POU6F1: variants seen among roughly 807,000 people sequenced by gnomAD.
POU6F1 encodes the protein POU domain, class 6, transcription factor 1.
In POU6F1, 9 loss-of-function variants were observed where a neutral mutation model predicts 28.9. The observed-to-expected ratio is 0.31, with a 90% confidence interval of 0.19 to 0.54. The LOEUF (loss-of-function observed/expected upper bound fraction) is 0.54. Among genes scored for constraint, POU6F1 ranks in the 20% least tolerant of loss-of-function variants. The pLI is 0.94. For synonymous variants in POU6F1, 173 were observed against 171.1 expected (o/e 1.01, Z -0.09); for missense variants, 338 against 426.1 (o/e 0.79, Z 1.82).
At chr12:51,212,062 G>A (rs561425469) in intron 1 of POU6F1, among the ~76,000 whole-genome samples, 11 of 138,642 alleles carry the variant, frequency 7.9e-5, no homozygotes, top group African/African-American at 2.5e-4. Flanking sequence ...CTTGCCTTTC[G>A]TTTTTTTTTT....
In POU6F1 at chr12:51,192,774, G is replaced by A. The variant is rs148669155; in HGVS notation, c.1180-303C>T. Among the ~76,000 whole-genome samples, 273 of 152,192 alleles carry A rather than the reference G, an allele frequency of 1.8e-3. 5 individuals are homozygous for A. The East Asian group carries it at 0.043, about 24-fold the overall frequency. On this transcript the variant is annotated intron_variant, in intron 8 of 10. Transcript: ENST00000333640. ...ACAAAAATTAGCTGGGCATGGTGGT[G>A]GGTGCCTATAATTCCAGCTACTCAG...
In POU6F1 at chr12:51,197,950, G is replaced by A; in HGVS notation, c.666C>T (p.Ala222=). 2.5e-6 allele frequency: 1 copy of A among 402,750 alleles called. No homozygotes were observed. Among genetic ancestry groups the A allele is most frequent in the Non-Finnish European group, 4.4e-6 (1 of 228,654 alleles). The allele number at this position is 402,750 out of a possible 1,614,324, so 24.9% of individuals were successfully genotyped here. ...GGGGCTGGGCTGGTGGCCGGGGTTGGGCCGTCGAGGAGGCCTGTACTGGTG... is the reference window on the plus strand; with the variant it reads ...GGGGCTGGGCTGGTGGCCGGGGTTGAGCCGTCGAGGAGGCCTGTACTGGTG... The part of the protein sequence containing the change: ...AAAPVQASST[A]QPRPPAQPQT... The change falls in exon 6 of 11, where the codon GCC becomes GCT. Residue 222 remains alanine, a synonymous_variant. Coordinates refer to ENST00000333640, the MANE Select transcript of POU6F1 (RefSeq NM_001330422.2).
rs1943042202 is a variant in POU6F1 at position 51,199,170 on chromosome 12, GC to G, written c.367-396del. On this transcript the variant is annotated intron_variant, in intron 4 of 10. Transcript: ENST00000333640. This position sits in a 1 kb window ranked among gnomAD's most constrained non-coding sequence, Gnocchi z 4.1. ...ACCAAGTGGTCAAGGCCCCGCAGAG[GC>G]TAATGGAACCAAGTGGTCAAGGCCC... Among the ~76,000 whole-genome samples the G allele has an allele frequency of 1.6e-3, 1 of 608 alleles. No individual in the cohort carries two copies. The highest frequency in any genetic ancestry group is 3.6e-3 in the Non-Finnish European group (1 of 274). 0.4% of individuals were successfully genotyped at this position (608 alleles called of 152,430 possible).
rs900689501 is a variant in POU6F1 at position 51,218,000 on chromosome 12, CT to C, written c.-407del. 1.3e-5 allele frequency among the ~76,000 whole-genome samples: 2 copies of C among 151,824 alleles called. No homozygotes were observed. Among genetic ancestry groups the C allele is most frequent in the African/African-American group, 4.8e-5 (2 of 41,378 alleles). On this transcript the variant is annotated 5_prime_UTR_variant, in exon 1 of 11. Coordinates refer to ENST00000333640, the MANE Select transcript of POU6F1 (RefSeq NM_001330422.2). The surrounding 1 kb of genome is among the most constrained non-coding windows in gnomAD (Gnocchi z 5.3). ...CGACCCCCCCCTTTTCCCTCCCCCC[CT>C]TTTTTCCCTCCTTCTGCTACTTGGA...
chr12:51,206,122 T>C (rs1943596272), intron 2 of POU6F1, among the ~76,000 whole-genome samples: 1 of 148,966 alleles, frequency 6.7e-6, no homozygotes, highest in Admixed American at 6.6e-5. Flanking sequence ...CCTGGCCTTT[T>C]TTTCTCCTTT....
Position 51,190,132 on chromosome 12 carries a change from CTGGG to C in POU6F1, c.*111_*114del, listed in dbSNP as rs1942291356. On this transcript the variant is annotated 3_prime_UTR_variant, in exon 11 of 11. Coordinates refer to ENST00000333640, the MANE Select transcript of POU6F1 (RefSeq NM_001330422.2). The surrounding 1 kb of genome is among the most constrained non-coding windows in gnomAD (Gnocchi z 4.5). ...CATGCACACGGTGGAGTCTGATGAC[CTGGG>C]GTGAGCACAGCTGCACGTGGCAAAA... 1 of 1,453,044 alleles carries C rather than the reference CTGGG, an allele frequency of 6.9e-7. No homozygotes were observed. Among genetic ancestry groups the C allele is most frequent in the African/African-American group, 1.4e-5 (1 of 70,574 alleles). 90.0% of individuals were successfully genotyped at this position (1,453,044 alleles called of 1,614,324 possible).
At position 51,189,994 on chromosome 12, in the gene POU6F1, G is replaced by T. The variant is rs561728182; in HGVS notation, c.*253C>A. On this transcript the variant is annotated 3_prime_UTR_variant, in exon 11 of 11. Transcript: ENST00000333640. ...CTAGCAAGGTGCTTCTCTAAGTGAC[G>T]TCACAAATCCTCTTCTTCGGAGTGA... is the stretch of plus-strand genomic sequence containing the variant. The T allele has an allele frequency of 9.0e-5, 51 of 563,674 alleles. No homozygotes were observed. The highest frequency in any genetic ancestry group is 8.2e-4 in the African/African-American group (44 of 53,382). 34.9% of individuals were successfully genotyped at this position (563,674 alleles called of 1,614,324 possible). A position where few individuals can be genotyped will look rare whatever the true frequency, so the allele number is the denominator to read the frequency against.
chr12:51,209,994 G>A (rs1246098336), intron 1 of POU6F1, among the ~76,000 whole-genome samples: 3 of 151,948 alleles, frequency 2.0e-5, no homozygotes, highest in Non-Finnish European at 2.9e-5. Context: ...GTCTTGCTCT[G>A]TTGCCCAGGC....
chr12:51,198,991 C>T (rs1057057317), intron 4 of POU6F1, among the ~76,000 whole-genome samples: 2 of 152,142 alleles, frequency 1.3e-5, no homozygotes, highest in African/African-American at 2.4e-5. Context: ...TCAGAGAAGT[C>T]GCCTAAATCC....
At chr12:51,193,427 T>C (rs961609627) in intron 8 of POU6F1, among the ~76,000 whole-genome samples, 3 of 151,990 alleles carry the variant, frequency 2.0e-5, no homozygotes, top group African/African-American at 7.3e-5. Flanking sequence ...AATACAAAAA[T>C]TAGCCAGGCG....
At chr12:51,213,210 T>G (rs1473102517) in intron 1 of POU6F1, among the ~76,000 whole-genome samples, 2 of 152,204 alleles carry the variant, frequency 1.3e-5, no homozygotes, top group Non-Finnish European at 2.9e-5. Flanking sequence ...GTGCTGGGAT[T>G]ACAGGCGTGA....
At chr12:51,206,316 G>A (rs1467998885) in intron 2 of POU6F1, among the ~76,000 whole-genome samples, 5 of 150,872 alleles carry the variant, frequency 3.3e-5, no homozygotes, top group Admixed American at 2.0e-4. Flanking sequence ...CCAGCTACTC[G>A]GGAGGCTGAG....
chr12:51,213,684 C>T (rs903867001), intron 1 of POU6F1, among the ~76,000 whole-genome samples: 12 of 152,056 alleles, frequency 7.9e-5, no homozygotes, highest in African/African-American at 2.9e-4. Flanking sequence ...CAGGCGCCCA[C>T]CACCTTGCTC....
intron 6 of POU6F1, among the ~76,000 whole-genome samples, chr12:51,197,211 G>A (rs867147448): frequency 2.8e-5 from 4 of 141,546 alleles, no homozygotes; most frequent in African/African-American, 7.6e-5. Context: ...GGGGTCTACC[G>A]GCTGGATGGT....
intron 3 of POU6F1, chr12:51,202,522 G>T (rs1468766301): frequency 6.6e-6 from 1 of 151,556 alleles, no homozygotes; most frequent in African/African-American, 2.4e-5. Context: ...GTAAAGACGG[G>T]GTTTTGCCAT....
At chr12:51,209,601 A>AT (rs1312004974) in intron 1 of POU6F1, among the ~76,000 whole-genome samples, 2 of 152,008 alleles carry the variant, frequency 1.3e-5, no homozygotes, top group Admixed American at 6.6e-5. Context: ...ATTGGGTATA[A>AT]TTTTTTTTGA....
intron 2 of POU6F1, among the ~76,000 whole-genome samples, chr12:51,206,555 C>A (rs577650789): frequency 6.6e-6 from 1 of 152,060 alleles, no homozygotes; most frequent in Non-Finnish European, 1.5e-5. Context: ...CAAACCTTTC[C>A]CCATGTAAAC....
In POU6F1 at chr12:51,204,382, AC is replaced by A. The variant is rs2137173844; in HGVS notation, c.49-15del. ...CATCACGATGACCTGCAAGCAGAGG[AC>A]AGGGGCACTGTTGGGATAGGGGCCA... is the stretch of plus-strand genomic sequence containing the variant. On this transcript the variant is annotated splice_polypyrimidine_tract_variant and intron_variant, in intron 2 of 10. Coordinates refer to ENST00000333640, the MANE Select transcript of POU6F1 (RefSeq NM_001330422.2). The A allele has an allele frequency of 5.0e-6, 2 of 399,126 alleles. No individual in the cohort carries two copies. The highest frequency in any genetic ancestry group is 7.1e-5 in the East Asian group (2 of 28,058). 24.7% of individuals were successfully genotyped at this position (399,126 alleles called of 1,614,324 possible). A position where few individuals can be genotyped will look rare whatever the true frequency, so the allele number is the denominator to read the frequency against.
chr12:51,191,596 C>T lies in POU6F1; in HGVS notation c.1490G>A (p.Arg497Gln), dbSNP rs1391148608. 10 of 1,612,466 alleles carry T rather than the reference C, an allele frequency of 6.2e-6. No individual in the cohort carries two copies. The highest frequency in any genetic ancestry group is 7.6e-6 in the Non-Finnish European group (9 of 1,179,714). The part of the protein sequence containing the change: ...GPAYSQSAIC[R>Q]FEKLDITPKS... Reference sequence around the variant, plus strand: ...TCCTGTCTAGGGCAGCCTTACTCACCGGCAGATGGCTGACTGGCTGTAGGC... The same window carrying T: ...TCCTGTCTAGGGCAGCCTTACTCACTGGCAGATGGCTGACTGGCTGTAGGC... Residue 497 changes from arginine (R) to glutamine (Q), a missense_variant and splice_region_variant, in exon 10 of 11, where the codon CGG becomes CAG. Physicochemically the swap from Arg to Gln is conservative, Grantham distance 43. Transcript: ENST00000333640.
Sources: gnomAD v4.1 joint callset for allele counts (sites outside exome capture counted in the v4.1 genomes callset) on GRCh38, gnomAD v4.1.1 for gene constraint, Gnocchi (gnomAD v3.1) non-coding constraint, MANE v1.5 for transcripts, NCBI Gene and HGNC (gene_info 2026-07-23, HGNC 2026-07-21) for gene names.